The following L1TD1 variants were observed in gnomAD, a reference collection of about 807,000 sequenced individuals.
L1TD1 encodes the protein LINE-1 type transposase domain-containing protein 1.
A neutral mutation model predicts 25.7 loss-of-function variants in L1TD1; 26 were observed. That is an observed-to-expected ratio of 1.01 (90% CI 0.74 to 1.40). The LOEUF (loss-of-function observed/expected upper bound fraction) is 1.40, where lower values mean the gene tolerates loss of function less well. Among genes scored for constraint, L1TD1 ranks in the 40% most tolerant of loss-of-function variants. The probability of loss-of-function intolerance (pLI) is 0.00; values close to 1 mark genes in which losing one functional copy is unlikely to be tolerated. For synonymous variants in L1TD1, 421 were observed against 335.6 expected, an observed-to-expected ratio of 1.25 and a Z score of -2.78; for missense variants, 1,130 against 975.0, an observed-to-expected ratio of 1.16 and a Z score of -2.12.
In L1TD1 at chr1:62,210,464, A is replaced by G. The variant is rs1670843397; in HGVS notation, c.1690A>G (p.Met564Val). 3 of 1,614,204 alleles carry G rather than the reference A, an allele frequency of 1.9e-6. No individual in the cohort carries two copies. The highest frequency in any genetic ancestry group is 1.7e-6 in the Non-Finnish European group (2 of 1,180,034). The change falls in exon 4 of 4, where the codon ATG (methionine) becomes GTG (valine). Residue 564 changes from methionine to valine, a missense_variant. Met to Val is a conservative substitution (Grantham distance 21). Coordinates refer to ENST00000498273, the MANE Select transcript of L1TD1 (RefSeq NM_019079.5). ...GGCCTCTCCCTCAAAGTCACTAGAG[A>G]TGAGTCATGATGAGCATAAAAAGCA... is the stretch of plus-strand genomic sequence containing the variant. The part of the protein sequence containing the change: ...CLASPSKSLE[M>V]SHDEHKKHSH...
Position 62,209,882 on chromosome 1 carries a change from GA to G in L1TD1, c.1109del (p.Glu370GlyfsTer2). 1.2e-6 allele frequency: 2 copies of G among 1,614,140 alleles called. No homozygotes were observed. Among genetic ancestry groups the G allele is most frequent in the Non-Finnish European group, 1.7e-6 (2 of 1,180,038 alleles). ...AGAAGTAAAAGTTGCTAAGCCAGAGGAGATGAAAAACTTAGAGACTCAAGAG... is the reference window on the plus strand; with the variant it reads ...AGAAGTAAAAGTTGCTAAGCCAGAGGGATGAAAAACTTAGAGACTCAAGAG... ...LKEVKVAKPE[E>X]MKNLETQEEE... is the part of the protein sequence containing the mutation. On this transcript the variant is annotated frameshift_variant, in exon 4 of 4. Coordinates refer to ENST00000498273, the MANE Select transcript of L1TD1 (RefSeq NM_019079.5). LOFTEE classifies it low-confidence loss of function (END_TRUNC).
rs759858325 is a variant in L1TD1, at chr1:62,210,448, C to G, written c.1674C>G (p.Pro558=). 2 of 1,614,108 alleles carry G rather than the reference C, an allele frequency of 1.2e-6. No individual in the cohort carries two copies. Among genetic ancestry groups the G allele is most frequent in the South Asian group, 1.1e-5 (1 of 91,074 alleles). ...TPCLTLCLAS[P]SKSLEMSHDE... ...GTCTGACCTTATGTTTGGCCTCTCCCTCAAAGTCACTAGAGATGAGTCATG... is the reference window on the plus strand; with the variant it reads ...GTCTGACCTTATGTTTGGCCTCTCCGTCAAAGTCACTAGAGATGAGTCATG... Residue 558 remains proline, a synonymous_variant, in exon 4 of 4, where the codon CCC becomes CCG. Coordinates refer to ENST00000498273, the MANE Select transcript of L1TD1 (RefSeq NM_019079.5).
intron 3 of L1TD1, among the ~76,000 whole-genome samples, chr1:62,209,184 A>G (rs1430064441): frequency 6.6e-6 from 1 of 152,146 alleles, no homozygotes; most frequent in Non-Finnish European, 1.5e-5. Context: ...AAATGTGGCA[A>G]TCGGGCCAGG....
chr1:62,207,421 A>G lies in L1TD1; in HGVS notation c.793A>G (p.Asn265Asp). Residue 265 changes from asparagine (N) to aspartate (D), a missense_variant, in exon 3 of 4, where the codon AAC becomes GAC. By Grantham distance (23) the Asn-to-Asp change is conservative. Transcript: ENST00000498273. The part of the protein sequence containing the change: ...DISKQWSNVF[N>D]ILRENDFEPK... Reference sequence around the variant, plus strand: ...TAGTAAGCAATGGAGTAATGTCTTCAACATTCTGAGAGAAAATGATTTTGA... The same window carrying G: ...TAGTAAGCAATGGAGTAATGTCTTCGACATTCTGAGAGAAAATGATTTTGA... The G allele has an allele frequency of 6.4e-7, 1 of 1,551,110 alleles. No individual in the cohort carries two copies. The highest frequency in any genetic ancestry group is 8.7e-7 in the Non-Finnish European group (1 of 1,146,700).
Position 62,207,751 on chromosome 1 carries a change from C to T in L1TD1, c.1008+115C>T, listed in dbSNP as rs866114689. 98 of 1,284,678 alleles carry T rather than the reference C, an allele frequency of 7.6e-5. No individual in the cohort carries two copies. In the African/African-American group the frequency reaches 8.2e-4, roughly 11 times the overall value. The allele number at this position is 1,284,678 out of a possible 1,614,324, so 79.6% of individuals were successfully genotyped here. ...TCTTGAGATGGAGTTTCGCTCTTGT[C>T]GGCCAGGTGGGAGTGCAGTGGCACG... On this transcript the variant is annotated intron_variant, in intron 3 of 3. Transcript: ENST00000498273.
At chr1:62,196,153 G>A (rs1289221132) in intron 1 of L1TD1, among the ~76,000 whole-genome samples, 9 of 152,044 alleles carry the variant, frequency 5.9e-5, no homozygotes, top group African/African-American at 2.2e-4. Context: ...TGTTCAAATT[G>A]CAAAAGGAAA....
At chr1:62,208,800 A>G (rs1370107417) in intron 3 of L1TD1, among the ~76,000 whole-genome samples, 1 of 152,114 alleles carries the variant, frequency 6.6e-6, no homozygotes, top group Admixed American at 6.5e-5. Context: ...TCGTAAGCCA[A>G]TATTTTTTTA....
chr1:62,200,143 A>G (rs1037454765), intron 2 of L1TD1, among the ~76,000 whole-genome samples: 1 of 152,122 alleles, frequency 6.6e-6, no homozygotes, highest in African/African-American at 2.4e-5. Context: ...TATATATATC[A>G]TAACATGGTG....
Position 62,210,512 on chromosome 1 carries a change from T to C in L1TD1, c.1738T>C (p.Ser580Pro), listed in dbSNP as rs1435899608. The change falls in exon 4 of 4, where the codon TCA (serine) becomes CCA (proline). Residue 580 changes from serine to proline, a missense_variant. Coordinates refer to ENST00000498273, the MANE Select transcript of L1TD1 (RefSeq NM_019079.5). ...KKHSHTNLSI[S>P]TGVTKLKKTE... Reference sequence around the variant, plus strand: ...GCATTCACATACAAATTTGAGTATTTCAACAGGAGTCACCAAACTTAAGAA... The same window carrying C: ...GCATTCACATACAAATTTGAGTATTCCAACAGGAGTCACCAAACTTAAGAA... The C allele has an allele frequency of 1.6e-5, 26 of 1,613,552 alleles. No homozygotes were observed. Among genetic ancestry groups the C allele is most frequent in the Non-Finnish European group, 2.1e-5 (25 of 1,179,970 alleles).
chr1:62,207,999 G>A (rs1419709856), intron 3 of L1TD1: 2 of 159,402 alleles, frequency 1.3e-5, no homozygotes, highest in Admixed American at 6.1e-5. Flanking sequence ...TGAGCCACTG[G>A]GCCCAGCCGG....
chr1:62,197,831 G>A (rs1157010799), intron 2 of L1TD1, among the ~76,000 whole-genome samples: 6 of 152,014 alleles, frequency 3.9e-5, no homozygotes, highest in Non-Finnish European at 7.4e-5. Context: ...AGCTGAGATT[G>A]TGCCACCTGC....
Position 62,207,497 on chromosome 1 carries a change from TAAAG to T in L1TD1, c.871_874del (p.Lys291HisfsTer18). 6.4e-7 allele frequency: 1 copy of T among 1,551,246 alleles called. No homozygotes were observed. The highest frequency in any genetic ancestry group is 8.7e-7 in the Non-Finnish European group (1 of 1,146,874). ...TTAGCATTTAAATGTGATGGTGAAATAAAGACATTTTCAGATCTGCAAAGCCTTA... is the reference window on the plus strand; with the variant it reads ...TTAGCATTTAAATGTGATGGTGAAATACATTTTCAGATCTGCAAAGCCTTA... On this transcript the variant is annotated frameshift_variant, in exon 3 of 4. Transcript: ENST00000498273. LOFTEE classifies it high-confidence loss of function.
At chr1:62,201,391 T>C (rs1670636490) in intron 2 of L1TD1, among the ~76,000 whole-genome samples, 1 of 151,750 alleles carries the variant, frequency 6.6e-6, no homozygotes, top group African/African-American at 2.4e-5. Context: ...AGCTCAGTGG[T>C]TTTCCTTAAG....
At chr1:62,197,868 C>T (rs1183010127) in intron 2 of L1TD1, among the ~76,000 whole-genome samples, 1 of 150,388 alleles carries the variant, frequency 6.6e-6, no homozygotes, top group East Asian at 2.0e-4. Flanking sequence ...CAGTGAGACT[C>T]TGTCTCAAAA....
chr1:62,201,018 T>C (rs1670629517), intron 2 of L1TD1, among the ~76,000 whole-genome samples: 1 of 152,112 alleles, frequency 6.6e-6, no homozygotes, highest in African/African-American at 2.4e-5. Flanking sequence ...AACCTCTGTC[T>C]ACCGAGGTCA....
At position 62,206,952 on chromosome 1, in the gene L1TD1, A is replaced by G; in HGVS notation, c.324A>G (p.Leu108=). The change falls in exon 3 of 4, where the codon TTA becomes TTG. Residue 108 remains leucine (L), a synonymous_variant. Transcript: ENST00000498273. ...SRTEFQQIIN[L]ALQKTGMVGK... ...CAGAGTTTCAGCAAATAATCAATTTAGCATTACAAAAAACAGGGATGGTAG... is the reference window on the plus strand; with the variant it reads ...CAGAGTTTCAGCAAATAATCAATTTGGCATTACAAAAAACAGGGATGGTAG... 1 of 1,613,846 alleles carries G rather than the reference A, an allele frequency of 6.2e-7. No individual in the cohort carries two copies.
rs986976636 is a variant in L1TD1, at chr1:62,210,767, A to G, written c.1993A>G (p.Ser665Gly). 3.2e-6 allele frequency: 5 copies of G among 1,550,230 alleles called. No homozygotes were observed. Among genetic ancestry groups the G allele is most frequent in the Non-Finnish European group, 4.4e-6 (5 of 1,146,674 alleles). Residue 665 changes from serine (S) to glycine (G), a missense_variant, in exon 4 of 4, where the codon AGT becomes GGT. Physicochemically the swap from Ser to Gly is moderately conservative, Grantham distance 56 (BLOSUM62 0). Transcript: ENST00000498273. ...GGACATACTTGAAGAAAGAATAGAC[A>G]GTCTAGAAGATCAAATTGAAGAATT... Reference protein sequence around the residue: ...RMDILEERIDSLEDQIEEFSK... With the variant: ...RMDILEERIDGLEDQIEEFSK...
At chr1:62,201,188 C>G (rs1670632793) in intron 2 of L1TD1, among the ~76,000 whole-genome samples, 1 of 152,096 alleles carries the variant, frequency 6.6e-6, no homozygotes, top group Non-Finnish European at 1.5e-5. Context: ...CTCAACTTCC[C>G]AAAGTGCTGG....
rs1238900298 is a variant in L1TD1 at position 62,210,042 on chromosome 1, G to A, written c.1268G>A (p.Gly423Glu). 3 of 1,612,628 alleles carry A rather than the reference G, an allele frequency of 1.9e-6. No homozygotes were observed. The highest frequency in any genetic ancestry group is 2.5e-6 in the Non-Finnish European group (3 of 1,179,112). ...LEEEEEEEAS[G>E]LEEDEASGLE... ...GAGGAAGAAGAAGAAGAGGCTTCAG[G>A]GTTGGAGGAGGATGAGGCCTCAGGG... is the stretch of plus-strand genomic sequence containing the variant. The change falls in exon 4 of 4, where the codon GGG becomes GAG. Residue 423 changes from glycine (G) to glutamate (E), a missense_variant. Coordinates refer to ENST00000498273, the MANE Select transcript of L1TD1 (RefSeq NM_019079.5).
Sources: gnomAD v4.1 joint callset for allele counts (sites outside exome capture counted in the v4.1 genomes callset) on GRCh38, gnomAD v4.1.1 for gene constraint, MANE v1.5 for transcripts, NCBI Gene and HGNC (gene_info 2026-07-23, HGNC 2026-07-21) for gene names.